GPC6: variants seen among roughly 807,000 people sequenced by gnomAD.
The protein encoded by GPC6 is glypican 6, also known as glypican-6.
GPC6 carries 14 observed loss-of-function variants against 55.2 expected under a neutral mutation model. The observed-to-expected ratio is 0.25, with a 90% CI of 0.17 to 0.40. The LOEUF (loss-of-function observed/expected upper bound fraction) is 0.40. GPC6 is among the 10% of genes least tolerant of loss of function. The probability of loss-of-function intolerance (pLI) is 1.00; values close to 1 mark genes in which losing one functional copy is unlikely to be tolerated. For synonymous variants in GPC6, 278 were observed against 259.6 expected (o/e 1.07, Z -0.68); for missense variants, 641 against 708.5 (o/e 0.90, Z 1.08).
chr13:94,310,504 T>C (rs1594156226), intron 6 of GPC6, among the ~76,000 whole-genome samples: 2 of 152,212 alleles, frequency 1.3e-5, no homozygotes, highest in South Asian at 4.1e-4. Flanking sequence ...TCTTTTTCTT[T>C]TTCCTTTAAA....
intron 2 of GPC6, among the ~76,000 whole-genome samples, chr13:93,804,473 C>T (rs1027461244): frequency 3.3e-5 from 5 of 152,154 alleles, no homozygotes; most frequent in African/African-American, 7.2e-5. Context: ...TCTCACCTGT[C>T]GGTTCCAAAT....
At chr13:93,940,612 C>A (rs1271113345) in intron 3 of GPC6, among the ~76,000 whole-genome samples, 1 of 152,058 alleles carries the variant, frequency 6.6e-6, no homozygotes, top group Non-Finnish European at 1.5e-5. Flanking sequence ...ATAGATACAC[C>A]AAACAAATGG....
intron 3 of GPC6, among the ~76,000 whole-genome samples, chr13:93,966,867 C>A (rs1299086281): frequency 1.3e-5 from 2 of 152,054 alleles, no homozygotes; most frequent in Non-Finnish European, 1.5e-5. Flanking sequence ...GTTGCCCAGG[C>A]TCATCTCAAA....
chr13:94,184,477 A>G lies in GPC6; in HGVS notation c.878-101872A>G, dbSNP rs183432718. On this transcript the variant is annotated intron_variant, in intron 4 of 8. Coordinates refer to ENST00000377047, the MANE Select transcript of GPC6 (RefSeq NM_005708.5). ...AATAACCCCATTAAAAAAATGGACA[A>G]AGGACATAACAGATACTTCTCAAAA... 1.9e-3 allele frequency among the ~76,000 whole-genome samples: 291 copies of G among 152,320 alleles called. 2 individuals carry two copies. The highest frequency in any genetic ancestry group is 0.018 in the Admixed American group (269 of 15,292).
intron 6 of GPC6, among the ~76,000 whole-genome samples, chr13:94,380,067 G>A (rs965794937): frequency 3.9e-5 from 6 of 152,180 alleles, no homozygotes; most frequent in African/African-American, 1.4e-4. Context: ...ACTGAAAGGA[G>A]ACACCTGTGG....
At chr13:93,304,585 C>T (rs1349546030) in intron 1 of GPC6, among the ~76,000 whole-genome samples, 2 of 152,178 alleles carry the variant, frequency 1.3e-5, no homozygotes, top group African/African-American at 4.8e-5. Flanking sequence ...TTTTGGAGAA[C>T]ATAGGAACTG....
chr13:93,428,759 G>A (rs1877246953), intron 1 of GPC6, among the ~76,000 whole-genome samples: 1 of 152,080 alleles, frequency 6.6e-6, no homozygotes, highest in South Asian at 2.1e-4. Flanking sequence ...TGTTTTTCTA[G>A]CATAAAACCT....
intron 4 of GPC6, among the ~76,000 whole-genome samples, chr13:94,056,665 C>A (rs934194699): frequency 3.9e-5 from 6 of 152,116 alleles, no homozygotes; most frequent in African/African-American, 1.4e-4. Flanking sequence ...TAATTACCCT[C>A]ATGAGTAGTA....
intron 3 of GPC6, among the ~76,000 whole-genome samples, chr13:93,845,990 T>A (rs944118733): frequency 2.0e-5 from 3 of 149,706 alleles, no homozygotes; most frequent in East Asian, 1.9e-4. Context: ...TAATAAAAAA[T>A]AAATAAATAA....
intron 1 of GPC6, among the ~76,000 whole-genome samples, chr13:93,250,648 A>G (rs1876756777): frequency 6.6e-6 from 1 of 152,126 alleles, no homozygotes; most frequent in South Asian, 2.1e-4. Context: ...AGTGCTACCC[A>G]GGTGAGGGGT....
chr13:93,524,348 T>C (rs1881565290), intron 1 of GPC6, among the ~76,000 whole-genome samples: 1 of 151,900 alleles, frequency 6.6e-6, no homozygotes, highest in Admixed American at 6.6e-5. Context: ...GGGGTGAACA[T>C]TGGAAGTAAG....
chr13:94,327,754 G>C (rs1392647899), intron 6 of GPC6, among the ~76,000 whole-genome samples: 3 of 152,182 alleles, frequency 2.0e-5, no homozygotes, highest in African/African-American at 7.2e-5. Flanking sequence ...AACAGGAAGT[G>C]TGATACCCAG....
intron 2 of GPC6, among the ~76,000 whole-genome samples, chr13:93,681,258 CTAAAGA>C (rs767257875): frequency 4.6e-5 from 7 of 152,034 alleles, no homozygotes; most frequent in Non-Finnish European, 8.8e-5. Context: ...TCTCATAAAA[CTAAAGA>C]TAATTTGCTT....
intron 1 of GPC6, among the ~76,000 whole-genome samples, chr13:93,490,848 C>G (rs1284514585): frequency 2.2e-5 from 2 of 91,218 alleles, no homozygotes; most frequent in Non-Finnish European, 4.3e-5. Context: ...AGGACATGAA[C>G]TCATCATTTT....
intron 1 of GPC6, among the ~76,000 whole-genome samples, chr13:93,459,868 T>A (rs1203993516): frequency 6.6e-6 from 1 of 152,232 alleles, no homozygotes; most frequent in Non-Finnish European, 1.5e-5. Flanking sequence ...TGGCATCCCC[T>A]GAATTTGTGG....
In GPC6 at chr13:94,121,556, C is replaced by T. The variant is rs118155019; in HGVS notation, c.877+93662C>T. On this transcript the variant is annotated intron_variant, in intron 4 of 8. Transcript: ENST00000377047. ...AATAATTTAACGTGAATATAATGGA[C>T]ATTGGATGATTATCATCTTTGAAAT... 2.4e-3 allele frequency among the ~76,000 whole-genome samples: 364 copies of T among 152,170 alleles called. 3 individuals carry two copies. The highest frequency in any genetic ancestry group is 6.1e-3 in the Admixed American group (93 of 15,270).
chr13:93,719,416 T>C (rs1021120168), intron 2 of GPC6, among the ~76,000 whole-genome samples: 4 of 152,072 alleles, frequency 2.6e-5, no homozygotes, highest in Non-Finnish European at 5.9e-5. Flanking sequence ...ATCCTTGTGT[T>C]TTTTGCACAT....
At chr13:93,526,353 TA>T (rs1881646437) in intron 1 of GPC6, among the ~76,000 whole-genome samples, 1 of 151,996 alleles carries the variant, frequency 6.6e-6, no homozygotes. Context: ...AGAAATTATT[TA>T]AATTGGGAGG....
At chr13:93,832,982 A>G (rs1268285417) in intron 3 of GPC6, among the ~76,000 whole-genome samples, 1 of 151,942 alleles carries the variant, frequency 6.6e-6, no homozygotes, top group Non-Finnish European at 1.5e-5. Flanking sequence ...CCTGAGTTTC[A>G]TCATCATCCC....
Sources: gnomAD v4.1 joint callset for allele counts (sites outside exome capture counted in the v4.1 genomes callset) on GRCh38, gnomAD v4.1.1 for gene constraint, MANE v1.5 for transcripts, NCBI Gene and HGNC (gene_info 2026-07-23, HGNC 2026-07-21) for gene names.